CCDC7: variants seen among roughly 807,000 people sequenced by gnomAD.
CCDC7 encodes the protein coiled-coil domain-containing protein 7.
A neutral mutation model predicts 196.9 loss-of-function variants in CCDC7; 183 were observed. The ratio of observed to expected loss-of-function variants is 0.93; its 90% CI spans 0.82 to 1.05. The LOEUF (loss-of-function observed/expected upper bound fraction) is 1.05. Among genes scored for constraint, CCDC7 ranks in the 50% least tolerant of loss-of-function variants. The pLI, the probability that CCDC7 is intolerant of heterozygous loss-of-function variation, is 0.00. For missense variants in CCDC7, 1,540 were observed against 1,482.2 expected (o/e 1.04, Z -0.64); for synonymous variants, 525 against 484.6 (o/e 1.08, Z -1.10).
At chr10:32,642,986 T>C (rs1394713748) in intron 20 of CCDC7, among the ~76,000 whole-genome samples, 1 of 152,236 alleles carries the variant, frequency 6.6e-6, no homozygotes, top group Non-Finnish European at 1.5e-5. Flanking sequence ...AAGCAGAATT[T>C]GGTTTATGGA....
chr10:32,833,562 A>G (rs2092385914), intron 32 of CCDC7, among the ~76,000 whole-genome samples: 1 of 152,178 alleles, frequency 6.6e-6, no homozygotes, highest in Admixed American at 6.6e-5. Flanking sequence ...TATCTAACGC[A>G]AATGAATTAG....
intron 13 of CCDC7, among the ~76,000 whole-genome samples, chr10:32,546,942 C>T (rs1212424283): frequency 1.3e-5 from 2 of 152,204 alleles, no homozygotes; most frequent in African/African-American, 4.8e-5. Context: ...TTTCCTGCCA[C>T]ATGGTCTTTT....
intron 9 of CCDC7, among the ~76,000 whole-genome samples, chr10:32,500,366 A>C (rs2043759730): frequency 6.6e-6 from 1 of 151,004 alleles, no homozygotes; most frequent in South Asian, 2.1e-4. Flanking sequence ...CACCTCCCAG[A>C]TGGGGTGGTG....
chr10:32,612,364 AC>A (rs1196260788), intron 18 of CCDC7, among the ~76,000 whole-genome samples: 2 of 151,024 alleles, frequency 1.3e-5, no homozygotes, highest in African/African-American at 2.4e-5. Context: ...GTCATCTGCA[AC>A]AGAGAGAATT....
At chr10:32,446,191 C>G (rs1458731114) in exon 1 of CCDC7, 1 of 152,156 alleles carries the variant, frequency 6.6e-6, no homozygotes, top group Non-Finnish European at 1.5e-5. Flanking sequence ...TTGCTGCCGC[C>G]CGGGGGCGCA....
chr10:32,532,794 CT>C (rs752904033), intron 11 of CCDC7, among the ~76,000 whole-genome samples: 1 of 151,986 alleles, frequency 6.6e-6, no homozygotes, highest in Non-Finnish European at 1.5e-5. Context: ...TACTCCTGCT[CT>C]TTTTTGGCTT....
At chr10:32,730,927 A>G (rs2083859727) in intron 28 of CCDC7, among the ~76,000 whole-genome samples, 2 of 152,062 alleles carry the variant, frequency 1.3e-5, no homozygotes, top group African/African-American at 2.4e-5. Flanking sequence ...TTGTTCATGG[A>G]TATGTATTCT....
intron 22 of CCDC7, among the ~76,000 whole-genome samples, chr10:32,687,974 G>T (rs2076652702): frequency 6.6e-6 from 1 of 152,192 alleles, no homozygotes; most frequent in South Asian, 2.1e-4. Context: ...ACTAGACAAT[G>T]CTTGCAGTGT....
intron 7 of CCDC7, 74 bp from the exon 9 acceptor site, chr10:32,473,893 A>G: frequency 7.4e-7 from 1 of 1,344,330 alleles, no homozygotes; most frequent in Non-Finnish European, 9.9e-7. Context: ...AAATTAAAAC[A>G]ATAAAATTTA....
At chr10:32,728,711 A>C (rs928631745) in intron 26 of CCDC7, among the ~76,000 whole-genome samples, 176 bp from the exon 28 acceptor site, 7 of 152,198 alleles carry the variant, frequency 4.6e-5, no homozygotes. Flanking sequence ...GCTTCAGAAT[A>C]TTTATGAAAT....
At chr10:32,838,194 C>A (rs2092754355) in intron 33 of CCDC7, among the ~76,000 whole-genome samples, 1 of 152,170 alleles carries the variant, frequency 6.6e-6, no homozygotes, top group East Asian at 1.9e-4. Flanking sequence ...ATTGCCAGAA[C>A]AAAATACTGC....
chr10:32,813,660 T>A (rs1156307910), intron 30 of CCDC7, among the ~76,000 whole-genome samples: 1 of 152,184 alleles, frequency 6.6e-6, no homozygotes, highest in African/African-American at 2.4e-5. Context: ...AGGTTGGGTA[T>A]ATTTTTAGTG....
At chr10:32,878,434 C>T (rs1475532386), downstream of CCDC7, among the ~76,000 whole-genome samples, 1 of 151,954 alleles carries the variant, frequency 6.6e-6, no homozygotes, top group Non-Finnish European at 1.5e-5. Context: ...GAAGTAGGAC[C>T]AGGAATAGTC....
At chr10:32,516,605 C>T (rs576814705) in intron 9 of CCDC7, among the ~76,000 whole-genome samples, 246 of 152,192 alleles carry the variant, frequency 1.6e-3, no homozygotes, top group African/African-American at 4.8e-3. Context: ...GTTTTAATTG[C>T]AAATCAAAAC....
At chr10:32,757,412 A>G (rs2076648809) in intron 28 of CCDC7, among the ~76,000 whole-genome samples, 1 of 152,252 alleles carries the variant, frequency 6.6e-6, no homozygotes, top group Admixed American at 6.5e-5. Flanking sequence ...CTCTCAGACC[A>G]CAGTGCAATC....
intron 29 of CCDC7, among the ~76,000 whole-genome samples, chr10:32,780,591 T>C (rs1391107696): frequency 1.3e-5 from 2 of 152,186 alleles, no homozygotes; most frequent in Admixed American, 1.3e-4. Flanking sequence ...TAAGATGTTA[T>C]ATATTATTTG....
chr10:32,695,248 G>C (rs1469614281), intron 24 of CCDC7, among the ~76,000 whole-genome samples: 1 of 152,070 alleles, frequency 6.6e-6, no homozygotes, highest in Non-Finnish European at 1.5e-5. Context: ...TCTGTCAAAG[G>C]GTGTTTGCTT....
chr10:32,685,946 A>AAATAGATAAATGC, intron 21 of CCDC7, 24 bp from the exon 23 acceptor site: 1 of 1,298,036 alleles, frequency 7.7e-7, no homozygotes, highest in East Asian at 2.5e-5. Flanking sequence ...TATTTAGTGG[A>AAATAGATAAATGC]ATAAATGTAT....
chr10:32,606,937 T>G (rs1467353820), intron 18 of CCDC7, among the ~76,000 whole-genome samples: 1 of 152,162 alleles, frequency 6.6e-6, no homozygotes, highest in East Asian at 1.9e-4. Flanking sequence ...GGGAGCCAGA[T>G]GCAGAATGAT....
Sources: allele counts gnomAD v4.1 joint callset (sites outside exome capture counted in the v4.1 genomes callset), GRCh38; gene constraint gnomAD v4.1.1; transcripts MANE v1.5; gene names NCBI Gene and HGNC (gene_info 2026-07-23, HGNC 2026-07-21).